Variants in CNTN5 observed in about 807,000 individuals in gnomAD.
The protein encoded by CNTN5 is contactin-5.
A neutral mutation model predicts 129.1 loss-of-function variants in CNTN5; 77 were observed. The ratio of observed to expected loss-of-function variants is 0.60; its 90% confidence interval spans 0.50 to 0.72. The LOEUF (loss-of-function observed/expected upper bound fraction) is 0.72, where lower values mean the gene tolerates loss of function less well. Ranked by LOEUF, CNTN5 falls within the 30% of genes least tolerant of loss-of-function variation. The probability of loss-of-function intolerance (pLI) is 0.00; values close to 1 mark genes in which losing one functional copy is unlikely to be tolerated. For synonymous variants in CNTN5, 509 were observed against 465.6 expected, an observed-to-expected ratio of 1.09 and a Z score of -1.20; for missense variants, 1,478 against 1,328.8, an observed-to-expected ratio of 1.11 and a Z score of -1.75.
chr11:99,862,078 T>C (rs892839552), intron 6 of CNTN5, among the ~76,000 whole-genome samples: 40 of 152,132 alleles, frequency 2.6e-4, no homozygotes, highest in African/African-American at 8.2e-4. Context: ...ACTTGTATGC[T>C]ATAGTAAATA....
At chr11:100,350,026 C>A (rs1209736309) in intron 23 of CNTN5, among the ~76,000 whole-genome samples, 1 of 151,756 alleles carries the variant, frequency 6.6e-6, no homozygotes, top group Non-Finnish European at 1.5e-5. Context: ...AATACCACAA[C>A]AGATGTCTAA....
At chr11:100,061,614 T>C (rs976552155) in intron 10 of CNTN5, among the ~76,000 whole-genome samples, 2 of 152,212 alleles carry the variant, frequency 1.3e-5, no homozygotes, top group African/African-American at 2.4e-5. Context: ...TTGTACAGCA[T>C]ACAGAACTTA....
At chr11:100,022,203 G>C (rs549142853) in intron 9 of CNTN5, among the ~76,000 whole-genome samples, 2 of 152,200 alleles carry the variant, frequency 1.3e-5, no homozygotes, top group East Asian at 3.9e-4. Flanking sequence ...AGCATTATTT[G>C]CAAGGTGTAT....
At chr11:99,820,542 A>C (rs1946767067) in intron 4 of CNTN5, among the ~76,000 whole-genome samples, 2 of 152,290 alleles carry the variant, frequency 1.3e-5, no homozygotes, top group Non-Finnish European at 1.5e-5. Flanking sequence ...TACCTTTGTC[A>C]TTTTTGGATC....
At chr11:99,977,563 G>T (rs12274569) in intron 8 of CNTN5, among the ~76,000 whole-genome samples, 9,214 of 152,234 alleles carry the variant, frequency 0.061, 455 homozygotes, top group African/African-American at 0.12. Context: ...AATGCAGACA[G>T]ACAAGAAGCA....
intron 2 of CNTN5, among the ~76,000 whole-genome samples, chr11:99,549,058 T>C (rs1266201987): frequency 6.6e-6 from 1 of 151,432 alleles, no homozygotes; most frequent in Non-Finnish European, 1.5e-5. Context: ...GTAATCTTTT[T>C]ATTCCTATTT....
At chr11:99,889,682 C>G (rs1343407826) in intron 6 of CNTN5, among the ~76,000 whole-genome samples, 1 of 151,778 alleles carries the variant, frequency 6.6e-6, no homozygotes, top group Non-Finnish European at 1.5e-5. Context: ...ATTACAGGTG[C>G]CCACTGCCAC....
At chr11:99,272,095 A>G (rs376270899) in intron 1 of CNTN5, among the ~76,000 whole-genome samples, 2 of 152,020 alleles carry the variant, frequency 1.3e-5, no homozygotes, top group East Asian at 3.9e-4. Context: ...TTATGATATA[A>G]GGGTTTTAAT....
At chr11:99,207,539 A>T (rs1484078554) in intron 1 of CNTN5, among the ~76,000 whole-genome samples, 1 of 152,220 alleles carries the variant, frequency 6.6e-6, no homozygotes, top group African/African-American at 2.4e-5. Context: ...CATAGGTAAC[A>T]TCACTATAAC....
chr11:99,764,647 C>T (rs940384424), intron 3 of CNTN5, among the ~76,000 whole-genome samples: 1 of 152,160 alleles, frequency 6.6e-6, no homozygotes, highest in Non-Finnish European at 1.5e-5. Context: ...AACTCCCGAT[C>T]TCAGGTGATC....
rs10603849 is a variant in CNTN5, at chr11:100,198,415, GACAC to G, written c.1884+4768_1884+4771del. On this transcript the variant is annotated intron_variant, in intron 15 of 24. Coordinates refer to ENST00000524871, the MANE Select transcript of CNTN5 (RefSeq NM_014361.4). Reference sequence around the variant, plus strand: ...TGGATACTGTATGTATGTCTGTCTAGACACACACACACACACACAATAGCTCACT... The same window carrying G: ...TGGATACTGTATGTATGTCTGTCTAGACACACACACACACAATAGCTCACT... Among the ~76,000 whole-genome samples the G allele has an allele frequency of 2.0e-3, 307 of 150,416 alleles. 3 individuals are homozygous for G. Among genetic ancestry groups the G allele is most frequent in the African/African-American group, 7.0e-3 (287 of 40,862 alleles).
chr11:99,115,028 AC>A (rs2135392007), intron 1 of CNTN5, among the ~76,000 whole-genome samples: 1 of 152,310 alleles, frequency 6.6e-6, no homozygotes, highest in Admixed American at 6.5e-5. Flanking sequence ...ATGTGAGGTT[AC>A]ACTGGAAAAG....
intron 3 of CNTN5, among the ~76,000 whole-genome samples, chr11:99,700,853 A>G (rs12790896): frequency 0.044 from 6,695 of 151,274 alleles, 142 homozygotes; most frequent in East Asian, 0.067. Flanking sequence ...TAAGGCTTCA[A>G]TAAGATTTGC....
chr11:99,881,343 A>C (rs577786670), intron 6 of CNTN5, among the ~76,000 whole-genome samples: 1 of 152,318 alleles, frequency 6.6e-6, no homozygotes, highest in African/African-American at 2.4e-5. Flanking sequence ...CCTACTCCCA[A>C]CTTTTGTAAA....
At chr11:99,337,763 A>G (rs1032820639) in intron 2 of CNTN5, among the ~76,000 whole-genome samples, 1 of 152,154 alleles carries the variant, frequency 6.6e-6, no homozygotes, top group Non-Finnish European at 1.5e-5. Context: ...GGGACTATCT[A>G]TTATTTTCCA....
intron 1 of CNTN5, among the ~76,000 whole-genome samples, chr11:99,267,231 G>C (rs1862944978): frequency 6.6e-6 from 1 of 152,142 alleles, no homozygotes; most frequent in East Asian, 1.9e-4. Flanking sequence ...CAATGCTAGG[G>C]TTGTTCATAG....
At chr11:100,150,727 G>T (rs1002308593) in intron 13 of CNTN5, among the ~76,000 whole-genome samples, 1 of 151,854 alleles carries the variant, frequency 6.6e-6, no homozygotes, top group African/African-American at 2.4e-5. Context: ...AGCTGAACTC[G>T]GCTAAGGCTT....
chr11:100,293,265 C>A (rs532722768), intron 18 of CNTN5, among the ~76,000 whole-genome samples: 21 of 151,858 alleles, frequency 1.4e-4, no homozygotes, highest in African/African-American at 5.1e-4. Context: ...TTGACTATTG[C>A]CACTTACAAG....
intron 2 of CNTN5, among the ~76,000 whole-genome samples, chr11:99,406,526 A>G (rs1942074959): frequency 6.6e-6 from 1 of 151,920 alleles, no homozygotes; most frequent in African/African-American, 2.4e-5. Flanking sequence ...ATTGAGTCTC[A>G]CCCAAGGCTT....
Sources: gnomAD v4.1 joint callset for allele counts (sites outside exome capture counted in the v4.1 genomes callset) on GRCh38, gnomAD v4.1.1 for gene constraint, MANE v1.5 for transcripts, NCBI Gene and HGNC (gene_info 2026-07-23, HGNC 2026-07-21) for gene names.